The following PDS5A variants were observed in gnomAD, a reference collection of about 807,000 sequenced individuals.
The protein encoded by PDS5A is PDS5 cohesin associated factor A.
A neutral mutation model predicts 167.1 loss-of-function variants in PDS5A; 42 were observed. The ratio of observed to expected loss-of-function variants is 0.25; its 90% CI spans 0.20 to 0.33. The LOEUF is 0.33. Among genes scored for constraint, PDS5A ranks in the 10% least tolerant of loss-of-function variants. PDS5A has a pLI of 1.00. For synonymous variants in PDS5A, 553 were observed against 554.6 expected (o/e 1.00, Z 0.04); for missense variants, 1,033 against 1,605.9 (o/e 0.64, Z 6.10).
chr4:39,946,036 G>T (rs1295190556), intron 2 of PDS5A, among the ~76,000 whole-genome samples: 3 of 151,608 alleles, frequency 2.0e-5, no homozygotes, highest in Non-Finnish European at 4.4e-5. Context: ...GCGAAACCTC[G>T]TCTCTACTAA....
rs1341324147 is a variant in PDS5A, at chr4:39,869,459, T to C, written c.2440A>G (p.Thr814Ala). ...CACAGTTTTCCATTCTTTTCACCTG[T>C]TGACTATAGACAATTGAATAAATTT... ...VKDLLMNDRS[T>A]GEKNGKLWSP... The change falls in exon 22 of 33, where the codon ACA becomes GCA. Residue 814 changes from threonine (T) to alanine (A), a missense_variant. Thr to Ala is a moderately conservative substitution (Grantham distance 58). Coordinates refer to ENST00000303538, the MANE Select transcript of PDS5A (RefSeq NM_001100399.2). 17 of 1,587,416 alleles carry C rather than the reference T, an allele frequency of 1.1e-5. No individual in the cohort carries two copies. The highest frequency in any genetic ancestry group is 1.3e-5 in the Non-Finnish European group (15 of 1,155,958).
intron 2 of PDS5A, among the ~76,000 whole-genome samples, chr4:39,935,373 T>C (rs1203621652): frequency 3.9e-5 from 6 of 152,332 alleles, no homozygotes; most frequent in Admixed American, 1.3e-4. Context: ...GCTGGGATTA[T>C]AGGCGTGAGC....
At position 39,845,841 on chromosome 4, in the gene PDS5A, T is replaced by G; in HGVS notation, c.3379A>C (p.Arg1127=). ...NDKSYISEET[R]VLLLTGKPKP... The stretch of plus-strand genomic sequence containing the variant: ...ACCTTTCCTGTTAACAGAAGTACTC[T>G]TGTCTCTTCTGAAATATAACTCTTA... Residue 1127 remains arginine, a synonymous_variant, in exon 29 of 33, where the codon AGA becomes CGA. Coordinates refer to ENST00000303538, the MANE Select transcript of PDS5A (RefSeq NM_001100399.2). 7.1e-7 allele frequency: 1 copy of G among 1,403,538 alleles called. No individual in the cohort carries two copies. The highest frequency in any genetic ancestry group is 9.3e-7 in the Non-Finnish European group (1 of 1,072,026). 86.9% of individuals were successfully genotyped at this position (1,403,538 alleles called of 1,614,324 possible).
intron 16 of PDS5A, 35 bp downstream of exon 16, chr4:39,898,354 A>G: frequency 1.3e-6 from 2 of 1,507,474 alleles, no homozygotes; most frequent in Middle Eastern, 1.7e-4. Flanking sequence ...CTGTAAGTAA[A>G]GCTAGAGAAA....
At chr4:39,880,295 A>C (rs188351627) in intron 17 of PDS5A, among the ~76,000 whole-genome samples, 4 of 152,276 alleles carry the variant, frequency 2.6e-5, no homozygotes, top group East Asian at 3.9e-4. Context: ...TACAGCAAAG[A>C]AGCAAGTCAT....
chr4:39,863,661 T>C (rs535445668), intron 23 of PDS5A, among the ~76,000 whole-genome samples: 1 of 152,184 alleles, frequency 6.6e-6, no homozygotes, highest in Non-Finnish European at 1.5e-5. Flanking sequence ...ATTGTGACTT[T>C]CTGATTACAA....
At chr4:39,867,753 CACACACACACA>C (rs750646814) in intron 22 of PDS5A, among the ~76,000 whole-genome samples, 35 of 149,464 alleles carry the variant, frequency 2.3e-4, no homozygotes, top group Non-Finnish European at 4.0e-4. Context: ...CACACACACA[CACACACACACA>C]CACACACACA....
chr4:39,842,907 TTTTATATA>T (rs1223867600), intron 30 of PDS5A, among the ~76,000 whole-genome samples: 4 of 28,432 alleles, frequency 1.4e-4, no homozygotes, highest in African/African-American at 5.2e-4. Flanking sequence ...CTTATCCTAT[TTTTATATA>T]TATATATATA....
At chr4:39,914,606 C>T (rs1357599467) in intron 8 of PDS5A, among the ~76,000 whole-genome samples, 2 of 152,116 alleles carry the variant, frequency 1.3e-5, no homozygotes, top group Non-Finnish European at 2.9e-5. Flanking sequence ...AAAAGCAAAA[C>T]TTCATTGTTT....
At chr4:39,869,926 G>A (rs1719877687) in intron 21 of PDS5A, among the ~76,000 whole-genome samples, 1 of 152,088 alleles carries the variant, frequency 6.6e-6, no homozygotes, top group Non-Finnish European at 1.5e-5. Context: ...GGCTAACATG[G>A]CAAAACCCTG....
intron 2 of PDS5A, among the ~76,000 whole-genome samples, chr4:39,948,210 CAAA>C (rs35177594): frequency 1.2e-4 from 12 of 96,428 alleles, no homozygotes; most frequent in South Asian, 3.2e-4. Flanking sequence ...TATCCCGTCT[CAAA>C]AAAAAAAAAA....
chr4:39,890,111 T>A (rs942052278), intron 17 of PDS5A, 138 bp downstream of exon 17: 12 of 484,938 alleles, frequency 2.5e-5, no homozygotes, highest in Non-Finnish European at 4.3e-5. Flanking sequence ...TCCCTTCAAC[T>A]TGAATGATGT....
chr4:39,869,085 A>T (rs537343810), intron 22 of PDS5A, among the ~76,000 whole-genome samples: 1 of 152,356 alleles, frequency 6.6e-6, no homozygotes, highest in East Asian at 1.9e-4. Context: ...AAACAATGAC[A>T]ACCACAATGT....
At chr4:39,842,503 A>G (rs1717116722) in intron 30 of PDS5A, among the ~76,000 whole-genome samples, 3 of 152,182 alleles carry the variant, frequency 2.0e-5, no homozygotes, top group Admixed American at 1.3e-4. Context: ...TATTCTTTAA[A>G]CCATGTTAAC....
At chr4:39,848,758 G>T in intron 28 of PDS5A, 93 bp downstream of exon 28, 2 of 1,161,400 alleles carry the variant, frequency 1.7e-6, no homozygotes, top group Non-Finnish European at 2.5e-6. Flanking sequence ...TTACTCTGTG[G>T]TCAAGACAAT....
At position 39,888,687 on chromosome 4, in the gene PDS5A, C is replaced by CAAA. The variant is rs33987152; in HGVS notation, c.1886+1561_1886+1562insTTT. ...TATGTTAAATAAAACAAGCCAAGAA[C>CAAA]AACAAAAAAAAAACAAATATTGCAT... On this transcript the variant is annotated intron_variant, in intron 17 of 32. Transcript: ENST00000303538. 2.5e-3 allele frequency among the ~76,000 whole-genome samples: 360 copies of CAAA among 144,424 alleles called. 7 individuals carry two copies. The South Asian group carries it at 0.048, about 19-fold the overall frequency. 94.7% of individuals were successfully genotyped at this position (144,424 alleles called of 152,430 possible). A position where few individuals can be genotyped will look rare whatever the true frequency, so the allele number is the denominator to read the frequency against.
chr4:39,859,941 AT>A (rs1254949165), intron 26 of PDS5A, among the ~76,000 whole-genome samples: 4 of 152,148 alleles, frequency 2.6e-5, no homozygotes. Flanking sequence ...AAACAGTATG[AT>A]GGTTCCTCAG....
intron 2 of PDS5A, among the ~76,000 whole-genome samples, chr4:39,930,246 A>AAAAAAAAAAAAGTTTTTT: frequency 7.5e-5 from 7 of 93,164 alleles, no homozygotes; most frequent in South Asian, 4.4e-4. Context: ...AAAAAAAAAA[A>AAAAAAAAAAAAGTTTTTT]GTTTTTTTGT....
At position 39,866,842 on chromosome 4, in the gene PDS5A, A is replaced by G. The variant is rs763241543; in HGVS notation, c.2642+19T>C. ...AAAATTTCAGCACTAAGAAAACTGG[A>G]AAGAAAGAAAAATCTCACCTGATCC... On this transcript the variant is annotated intron_variant, in intron 23 of 32. Transcript: ENST00000303538. 5.7e-6 allele frequency: 9 copies of G among 1,589,228 alleles called. No homozygotes were observed. The East Asian group carries it at 1.3e-4, about 24-fold the overall frequency.
Sources: allele counts gnomAD v4.1 joint callset (sites outside exome capture counted in the v4.1 genomes callset), GRCh38; gene constraint gnomAD v4.1.1; transcripts MANE v1.5; gene names NCBI Gene and HGNC (gene_info 2026-07-23, HGNC 2026-07-21).